Variants in MAD1L1 observed in about 807,000 individuals in gnomAD.
MAD1L1 encodes mitotic spindle assembly checkpoint protein MAD1.
In MAD1L1, 95 loss-of-function variants were observed where a neutral mutation model predicts 96.9. The observed-to-expected ratio is 0.98, with a 90% CI of 0.83 to 1.16. MAD1L1 has a LOEUF of 1.16. MAD1L1 is among the 50% of genes most tolerant of loss of function. MAD1L1 has a pLI of 0.00. For missense variants in MAD1L1, 1,007 were observed against 954.4 expected, an observed-to-expected ratio of 1.06 and a Z score of -0.73; for synonymous variants, 473 against 396.6, an observed-to-expected ratio of 1.19 and a Z score of -2.29.
intron 18 of MAD1L1, among the ~76,000 whole-genome samples, chr7:1,892,015 C>T (rs369641364): frequency 6.6e-6 from 1 of 152,222 alleles, no homozygotes; most frequent in Admixed American, 6.5e-5. Context: ...TTCACCAGCT[C>T]GCCCAGAGCA....
In MAD1L1 at chr7:1,843,499, T is replaced by G. The variant is rs547327854; in HGVS notation, c.1999-27271A>C. 5.3e-5 allele frequency among the ~76,000 whole-genome samples: 8 copies of G among 152,290 alleles called. No individual in the cohort carries two copies. In the East Asian group the frequency reaches 7.8e-4, roughly 15 times the overall value. On this transcript the variant is annotated intron_variant, in intron 18 of 18. Transcript: ENST00000265854. The stretch of plus-strand genomic sequence containing the variant: ...CACAAGTGGGCAGCTTTTCCGCGCT[T>G]CCCCGTGTCTGACTGTGCTGAGGGC...
intron 10 of MAD1L1, among the ~76,000 whole-genome samples, chr7:2,207,159 T>C (rs1584548472): frequency 6.6e-6 from 1 of 152,248 alleles, no homozygotes; most frequent in South Asian, 2.1e-4. Flanking sequence ...GTTAAATATT[T>C]GGGTCAATTT....
At chr7:1,854,229 T>C (rs554309467) in intron 18 of MAD1L1, 1 of 345,172 alleles carries the variant, frequency 2.9e-6, no homozygotes, top group African/African-American at 2.2e-5. Flanking sequence ...GCACCCACCA[T>C]GGCCCCGGTG....
intron 11 of MAD1L1, among the ~76,000 whole-genome samples, chr7:2,131,998 C>G (rs1176368910): frequency 6.6e-6 from 1 of 152,186 alleles, no homozygotes; most frequent in Non-Finnish European, 1.5e-5. Flanking sequence ...CCCGCCGCGG[C>G]GCTGCCTCCT....
chr7:1,945,437 A>G (rs12699490), intron 16 of MAD1L1, among the ~76,000 whole-genome samples: 130,552 of 151,844 alleles, frequency 0.86, 57,450 homozygotes, highest in Non-Finnish European at 0.96. Flanking sequence ...AGAGTAACGC[A>G]GGAAGTAAGA....
intron 16 of MAD1L1, among the ~76,000 whole-genome samples, chr7:1,952,717 C>T (rs1171890617): frequency 1.3e-5 from 2 of 152,226 alleles, no homozygotes; most frequent in Non-Finnish European, 2.9e-5. Context: ...ACAAAGGAGG[C>T]CCTCAGGGCA....
intron 12 of MAD1L1, among the ~76,000 whole-genome samples, chr7:2,054,863 C>T (rs1784323255): frequency 6.6e-6 from 1 of 152,222 alleles, no homozygotes; most frequent in African/African-American, 2.4e-5. Flanking sequence ...GCCGTGCCCT[C>T]GCAGTGATGG....
intron 6 of MAD1L1, among the ~76,000 whole-genome samples, chr7:2,218,733 C>T (rs1318538654): frequency 1.3e-5 from 2 of 151,324 alleles, no homozygotes; most frequent in South Asian, 2.1e-4. Flanking sequence ...AAAGCGAGAC[C>T]GCCATCTCTA....
At chr7:1,978,078 C>T (rs563608797) in intron 15 of MAD1L1, among the ~76,000 whole-genome samples, 9 of 152,376 alleles carry the variant, frequency 5.9e-5, no homozygotes, top group African/African-American at 1.9e-4. Context: ...TCTCCCCCTG[C>T]GCCCGCGTGC....
Position 1,910,004 on chromosome 7 carries a change from T to G in MAD1L1, c.1808-11614A>C, listed in dbSNP as rs116983556. The stretch of plus-strand genomic sequence containing the variant: ...ACCTCTTGTGTGATTAACGACTTAC[T>G]CCAGCAAGCAGCTTGTCACCTTGCA... On this transcript the variant is annotated intron_variant, in intron 17 of 18. Coordinates refer to ENST00000265854, the MANE Select transcript of MAD1L1 (RefSeq NM_001013836.2). 9.7e-3 allele frequency among the ~76,000 whole-genome samples: 1,483 copies of G among 152,132 alleles called. 14 individuals are homozygous for G. The highest frequency in any genetic ancestry group is 0.016 in the Non-Finnish European group (1,071 of 67,988).
chr7:2,176,249 G>A lies in MAD1L1; in HGVS notation c.987-27011C>T, dbSNP rs62443044. Among the ~76,000 whole-genome samples the A allele has an allele frequency of 8.3e-3, 1,268 of 152,292 alleles. 12 individuals are homozygous for A. Among genetic ancestry groups the A allele is most frequent in the Non-Finnish European group, 0.012 (821 of 68,024 alleles). On this transcript the variant is annotated intron_variant, in intron 10 of 18. Coordinates refer to ENST00000265854, the MANE Select transcript of MAD1L1 (RefSeq NM_001013836.2). The stretch of plus-strand genomic sequence containing the variant: ...TGTAATCCCAGCTACTACGGAAGCC[G>A]AGGCAGGAAAATCACTGGAACCTGG...
At chr7:2,228,196 A>T (rs1414867990) in intron 3 of MAD1L1, among the ~76,000 whole-genome samples, 1 of 151,706 alleles carries the variant, frequency 6.6e-6, no homozygotes, top group Admixed American at 6.6e-5. Context: ...TCCGAGCCCC[A>T]AGACAGACTC....
At chr7:1,859,276 C>G (rs927127979) in intron 18 of MAD1L1, among the ~76,000 whole-genome samples, 3 of 152,232 alleles carry the variant, frequency 2.0e-5, no homozygotes, top group African/African-American at 7.2e-5. Flanking sequence ...GATCAGAACC[C>G]TGACCAGGCC....
chr7:2,016,091 A>G (rs939943), intron 12 of MAD1L1, among the ~76,000 whole-genome samples: 150,284 of 152,266 alleles, frequency 0.99, 74,197 homozygotes, highest in East Asian at 1. Context: ...TGGGGTGGCC[A>G]TGAAGACTGA....
At chr7:1,925,399 G>T (rs6966520) in intron 17 of MAD1L1, among the ~76,000 whole-genome samples, 1 of 152,334 alleles carries the variant, frequency 6.6e-6, no homozygotes, top group African/African-American at 2.4e-5. Flanking sequence ...GAATACCTGA[G>T]ATTAATTTAT....
At chr7:1,995,508 G>C (rs910454499) in intron 14 of MAD1L1, among the ~76,000 whole-genome samples, 3 of 152,212 alleles carry the variant, frequency 2.0e-5, no homozygotes, top group Non-Finnish European at 4.4e-5. Context: ...GCTGAGGGAA[G>C]GGACCAGTTG....
chr7:2,117,326 G>A (rs1787757646), intron 11 of MAD1L1, among the ~76,000 whole-genome samples: 1 of 152,214 alleles, frequency 6.6e-6, no homozygotes, highest in African/African-American at 2.4e-5. Flanking sequence ...AGCACTGCTG[G>A]TGCGGACGGC....
chr7:2,223,018 A>G (rs558361448), intron 4 of MAD1L1, among the ~76,000 whole-genome samples: 2 of 152,300 alleles, frequency 1.3e-5, no homozygotes, highest in Admixed American at 1.3e-4. Context: ...ACACACATTT[A>G]TCACACCGTC....
At chr7:2,072,031 A>G (rs56918704) in intron 11 of MAD1L1, among the ~76,000 whole-genome samples, 61,601 of 152,068 alleles carry the variant, frequency 0.41, 12,722 homozygotes, top group East Asian at 0.54. Context: ...TCTGTGAGAC[A>G]CTCCAGCAAA....
Sources: allele counts gnomAD v4.1 joint callset (sites outside exome capture counted in the v4.1 genomes callset), GRCh38; gene constraint gnomAD v4.1.1; transcripts MANE v1.5; gene names NCBI Gene and HGNC (gene_info 2026-07-23, HGNC 2026-07-21).